ADGRG3: variants seen among roughly 807,000 people sequenced by gnomAD.
ADGRG3 encodes the protein G protein-coupled receptor 97.
In ADGRG3, 39 loss-of-function variants were observed where a neutral mutation model predicts 54.3. That is an observed-to-expected ratio of 0.72 (90% CI 0.56 to 0.94). The LOEUF (loss-of-function observed/expected upper bound fraction) is 0.94, where lower values mean the gene tolerates loss of function less well. Among genes scored for constraint, ADGRG3 ranks in the 40% least tolerant of loss-of-function variants. The pLI is 0.00. For synonymous variants in ADGRG3, 312 were observed against 290.0 expected, an observed-to-expected ratio of 1.08 and a Z score of -0.77; for missense variants, 654 against 694.6, an observed-to-expected ratio of 0.94 and a Z score of 0.66.
Position 57,678,269 on chromosome 16 carries a change from C to T in ADGRG3, c.445C>T (p.Arg149Cys), listed in dbSNP as rs150968507. 105 of 1,614,190 alleles carry T rather than the reference C, an allele frequency of 6.5e-5. No individual in the cohort carries two copies. The highest frequency in any genetic ancestry group is 6.6e-5 in the South Asian group (6 of 91,080). ...RSLPGNRSVV[R>C]LAVTILDIGP... ...CCTGCCAGGCAACAGGTCTGTGGTC[C>T]GCTTGGCCGTCACCATTCTGGACAT... The change falls in exon 4 of 12, where the codon CGC (arginine) becomes TGC (cysteine). Residue 149 changes from arginine to cysteine, a missense_variant. Arg to Cys is a radical substitution (Grantham distance 180). Coordinates refer to ENST00000333493, the MANE Select transcript of ADGRG3 (RefSeq NM_170776.5).
chr16:57,679,581 A>G (rs562805976), intron 5 of ADGRG3, among the ~76,000 whole-genome samples: 19 of 152,268 alleles, frequency 1.2e-4, no homozygotes, highest in South Asian at 6.2e-4. Flanking sequence ...ATGCATGCAG[A>G]CAGGCAAACC....
At chr16:57,681,179 A>C (rs1042009128) in intron 8 of ADGRG3, 7 of 160,742 alleles carry the variant, frequency 4.4e-5, no homozygotes, top group African/African-American at 1.7e-4. Flanking sequence ...AAAATAGTGC[A>C]GAGTCCTGTG....
intron 4 of ADGRG3, 21 bp from the exon 5 acceptor site, chr16:57,679,156 C>T: frequency 6.2e-7 from 1 of 1,612,982 alleles, no homozygotes; most frequent in Non-Finnish European, 8.5e-7. Context: ...AGCCTGGCCT[C>T]CCCGATCTCC....
At position 57,679,246 on chromosome 16, in the gene ADGRG3, C is replaced by T. The variant is rs1320524387; in HGVS notation, c.562C>T (p.Gln188Ter). Reference protein sequence around the residue: ...NNRLVGLSVGQMHVTKLAEPL... With the variant: ...NNRLVGLSVG The stretch of plus-strand genomic sequence containing the variant: ...TCGCCTGGTGGGTTTGAGTGTGGGA[C>T]AAATGCATGTCACCAAGCTGGCTGA... The change falls in exon 5 of 12, where the codon CAA (glutamine) becomes TAA (stop). Residue 188 changes from glutamine (Q) to a stop codon, truncating the protein, a stop_gained. Coordinates refer to ENST00000333493, the MANE Select transcript of ADGRG3 (RefSeq NM_170776.5). LOFTEE classifies it high-confidence loss of function. 1.2e-6 allele frequency: 2 copies of T among 1,613,908 alleles called. No individual in the cohort carries two copies. The highest frequency in any genetic ancestry group is 2.7e-5 in the African/African-American group (2 of 74,896).
chr16:57,670,526 CT>C (rs1466712257), intron 1 of ADGRG3, among the ~76,000 whole-genome samples: 1 of 152,154 alleles, frequency 6.6e-6, no homozygotes. Flanking sequence ...CCCTCCTCCC[CT>C]CTCCTCTCTT....
upstream of ADGRG3, among the ~76,000 whole-genome samples, chr16:57,667,046 C>T (rs1387885691): frequency 6.6e-6 from 1 of 152,242 alleles, no homozygotes; most frequent in Non-Finnish European, 1.5e-5. Flanking sequence ...GCCCTCCCTG[C>T]AGAGGAAGTT....
chr16:57,678,035 C>A (rs973853145), intron 3 of ADGRG3, 135 bp from the exon 4 acceptor site: 4 of 1,041,528 alleles, frequency 3.8e-6, no homozygotes, highest in Non-Finnish European at 5.8e-6. Context: ...CCCCAGGTGT[C>A]CTGCCTCTCA....
chr16:57,676,741 C>T (rs1159073039), intron 3 of ADGRG3, among the ~76,000 whole-genome samples: 4 of 152,192 alleles, frequency 2.6e-5, no homozygotes, highest in Non-Finnish European at 4.4e-5. Flanking sequence ...GGTGCACACC[C>T]GCAATTTCAG....
At chr16:57,680,024 TC>T (rs2048336859) in intron 6 of ADGRG3, among the ~76,000 whole-genome samples, 169 bp downstream of exon 6, 1 of 54,790 alleles carries the variant, frequency 1.8e-5, no homozygotes, top group African/African-American at 8.1e-5. Flanking sequence ...CTCCCCCCCC[TC>T]CTCACCTCCC....
rs35561154 is a variant in ADGRG3, at chr16:57,675,012, A to AAAAGC, written c.207-1187_207-1186insAAGCA. Among the ~76,000 whole-genome samples, 515 of 115,352 alleles carry AAAAGC rather than the reference A, an allele frequency of 4.5e-3. 36 individuals are homozygous for AAAAGC. Among genetic ancestry groups the AAAAGC allele is most frequent in the East Asian group, 6.3e-3 (25 of 3,966 alleles). The allele number at this position is 115,352 out of a possible 152,430, so 75.7% of individuals were successfully genotyped here. A position where few individuals can be genotyped will look rare whatever the true frequency, so the allele number is the denominator to read the frequency against. ...CTCCATCTCAAAAAAAAAAAAAAAA[A>AAAAGC]AGCAGCAGCAGCAGCAGCAGCAGCA... is the stretch of plus-strand genomic sequence containing the variant. On this transcript the variant is annotated intron_variant, in intron 2 of 11. Transcript: ENST00000333493.
intron 1 of ADGRG3, among the ~76,000 whole-genome samples, chr16:57,672,362 T>A (rs1159489195): frequency 2.0e-5 from 3 of 152,148 alleles, no homozygotes; most frequent in African/African-American, 7.2e-5. Flanking sequence ...CCCCCTCTTC[T>A]TAATTAAAAC....
At chr16:57,681,028 G>A (rs992958304) in intron 8 of ADGRG3, 5 of 192,760 alleles carry the variant, frequency 2.6e-5, no homozygotes, top group Admixed American at 1.6e-4. Flanking sequence ...ACCACCCTCA[G>A]GGGCCCTGGC....
In ADGRG3 at chr16:57,676,404, C is replaced by G. The variant is rs537551426; in HGVS notation, c.345+66C>G. 4.0e-6 allele frequency: 6 copies of G among 1,492,776 alleles called. No homozygotes were observed. In the Admixed American group the frequency reaches 1.1e-4, roughly 26 times the overall value. 92.5% of individuals were successfully genotyped at this position (1,492,776 alleles called of 1,614,324 possible). The stretch of plus-strand genomic sequence containing the variant: ...TTTTTCTTGGACGTATATTTCAAAA[C>G]TCTAAGAGAGTTATATCCTGTGATA... On this transcript the variant is annotated intron_variant, in intron 3 of 11. Coordinates refer to ENST00000333493, the MANE Select transcript of ADGRG3 (RefSeq NM_170776.5).
upstream of ADGRG3, among the ~76,000 whole-genome samples, chr16:57,667,475 T>G (rs1017199058): frequency 6.6e-6 from 1 of 152,304 alleles, no homozygotes; most frequent in South Asian, 2.1e-4. Flanking sequence ...CAGTGACCAT[T>G]TGGGGTGTAA....
In ADGRG3 at chr16:57,684,167, A is replaced by C. The variant is rs1456328462; in HGVS notation, c.1117A>C (p.Thr373Pro). ...CCTGCTCGCTGTCAGGGTCTTCAACACCTACTTCGGGCACTACTTCCTGAA... is the reference window on the plus strand; with the variant it reads ...CCTGCTCGCTGTCAGGGTCTTCAACCCCTACTTCGGGCACTACTTCCTGAA... Reference protein sequence around the residue: ...LYLLAVRVFNTYFGHYFLKLS... With the variant: ...LYLLAVRVFNPYFGHYFLKLS... The change falls in exon 9 of 12, where the codon ACC (threonine) becomes CCC (proline). Residue 373 changes from threonine to proline, a missense_variant. Coordinates refer to ENST00000333493, the MANE Select transcript of ADGRG3 (RefSeq NM_170776.5). 6.2e-7 allele frequency: 1 copy of C among 1,613,556 alleles called. No individual in the cohort carries two copies. Among genetic ancestry groups the C allele is most frequent in the Non-Finnish European group, 8.5e-7 (1 of 1,179,860 alleles).
chr16:57,678,390 G>A (rs2048301831), intron 4 of ADGRG3, 74 bp downstream of exon 4: 1 of 1,485,722 alleles, frequency 6.7e-7, no homozygotes, highest in Non-Finnish European at 9.4e-7. Context: ...TGCTGTCACT[G>A]GAGCCTGCCG....
At chr16:57,668,462 A>C (rs1022015190) in intron 1 of ADGRG3, 57 bp downstream of exon 1, 3 of 1,454,760 alleles carry the variant, frequency 2.1e-6, no homozygotes, top group African/African-American at 1.4e-5. Flanking sequence ...TGCCCTGCCG[A>C]GGGAGGGATC....
At chr16:57,685,101 T>C (rs992477991) in intron 10 of ADGRG3, among the ~76,000 whole-genome samples, 1 of 152,206 alleles carries the variant, frequency 6.6e-6, no homozygotes, top group Non-Finnish European at 1.5e-5. Flanking sequence ...ACTCACACCT[T>C]GGGATCCATG....
Position 57,685,835 on chromosome 16 carries a change from G to C in ADGRG3, c.1449G>C (p.Ser483=), listed in dbSNP as rs78104054. ...AGGTGCTCACCCTGCTGGGCCTCTC[G>C]AGCCTGGTGGGTGTGACATGGGGGT... ...RKKVLTLLGL[S]SLVGVTWGLA... The change falls in exon 11 of 12, where the codon TCG becomes TCC. Residue 483 remains serine (S), a synonymous_variant. Transcript: ENST00000333493. 4.3e-6 allele frequency: 7 copies of C among 1,614,014 alleles called. No individual in the cohort carries two copies. The highest frequency in any genetic ancestry group is 2.2e-5 in the East Asian group (1 of 44,898).
Sources: gnomAD v4.1 joint callset for allele counts (sites outside exome capture counted in the v4.1 genomes callset) on GRCh38, gnomAD v4.1.1 for gene constraint, MANE v1.5 for transcripts, NCBI Gene and HGNC (gene_info 2026-07-23, HGNC 2026-07-21) for gene names.